The following METTL15 variants were observed in gnomAD, a reference collection of about 807,000 sequenced individuals.
The protein encoded by METTL15 is 12S rRNA N(4)-cytidine methyltransferase METTL15.
A neutral mutation model predicts 38.3 loss-of-function variants in METTL15; 34 were observed. The observed-to-expected ratio is 0.89, with a 90% CI of 0.68 to 1.18. The LOEUF is 1.18. METTL15 is among the 50% of genes most tolerant of loss of function. METTL15 has a pLI of 0.00. For synonymous variants in METTL15, 162 were observed against 170.9 expected (o/e 0.95, Z 0.41); for missense variants, 438 against 498.4 (o/e 0.88, Z 1.15).
intron 4 of METTL15, among the ~76,000 whole-genome samples, chr11:28,249,594 G>A (rs999157233): frequency 6.6e-6 from 1 of 151,856 alleles, no homozygotes; most frequent in African/African-American, 2.4e-5. Context: ...TGGATAAGTC[G>A]TGTCTTTACA....
chr11:28,502,317 G>T (rs1350497820), intron 6 of METTL15, among the ~76,000 whole-genome samples: 1 of 152,182 alleles, frequency 6.6e-6, no homozygotes, highest in Non-Finnish European at 1.5e-5. Flanking sequence ...AGCAAATATT[G>T]TAGGCTTTAT....
At chr11:28,200,085 A>G (rs1479186700) in intron 3 of METTL15, among the ~76,000 whole-genome samples, 2 of 152,118 alleles carry the variant, frequency 1.3e-5, no homozygotes, top group African/African-American at 4.8e-5. Flanking sequence ...TTGTCTTCCA[A>G]GTTATCCAAA....
At chr11:28,318,295 G>T (rs567496953) in intron 6 of METTL15, among the ~76,000 whole-genome samples, 3 of 152,106 alleles carry the variant, frequency 2.0e-5, no homozygotes, top group Non-Finnish European at 4.4e-5. Flanking sequence ...AGTAAGAAAA[G>T]ATCTCTGGAC....
At chr11:28,164,247 AT>A (rs1850577338) in intron 3 of METTL15, 1 of 152,156 alleles carries the variant, frequency 6.6e-6, no homozygotes, top group African/African-American at 2.4e-5. Context: ...AAAAACACAC[AT>A]TAGGAAGTGA....
At chr11:28,436,456 G>T (rs1012740970) in intron 6 of METTL15, among the ~76,000 whole-genome samples, 1 of 152,130 alleles carries the variant, frequency 6.6e-6, no homozygotes, top group Admixed American at 6.5e-5. Flanking sequence ...ATGCATCAGT[G>T]TTCCATGCAT....
At chr11:28,223,707 G>A (rs537198027) in intron 4 of METTL15, among the ~76,000 whole-genome samples, 1 of 152,200 alleles carries the variant, frequency 6.6e-6, no homozygotes, top group East Asian at 1.9e-4. Flanking sequence ...CAATTCATGG[G>A]AAGGCTGAGT....
At chr11:28,236,168 T>G (rs1853957665) in intron 4 of METTL15, among the ~76,000 whole-genome samples, 1 of 152,250 alleles carries the variant, frequency 6.6e-6, no homozygotes. Flanking sequence ...CACTTGATCA[T>G]GGTGGATAAG....
chr11:28,369,156 A>C (rs1850218797), intron 5 of METTL15, among the ~76,000 whole-genome samples: 1 of 152,062 alleles, frequency 6.6e-6, no homozygotes, highest in Non-Finnish European at 1.5e-5. Context: ...CATAATTTAA[A>C]ATAAATAAAA....
intron 3 of METTL15, among the ~76,000 whole-genome samples, chr11:28,207,369 T>C (rs548304567): frequency 2.7e-4 from 41 of 152,300 alleles, no homozygotes; most frequent in Admixed American, 9.2e-4. Context: ...GAGATAATCA[T>C]GTGGTTTTTG....
chr11:28,130,389 G>A (rs1852710648), intron 3 of METTL15, among the ~76,000 whole-genome samples: 1 of 152,072 alleles, frequency 6.6e-6, no homozygotes, highest in African/African-American at 2.4e-5. Context: ...TTAAATATCA[G>A]GGTTTATAAT....
chr11:28,224,585 T>A (rs1276769912), intron 4 of METTL15, among the ~76,000 whole-genome samples: 3 of 151,878 alleles, frequency 2.0e-5, no homozygotes, highest in Non-Finnish European at 4.4e-5. Flanking sequence ...CTAAGTGGAT[T>A]CTACTTATAT....
At chr11:28,528,576 C>T (rs1340534060), downstream of METTL15, among the ~76,000 whole-genome samples, 2 of 152,184 alleles carry the variant, frequency 1.3e-5, no homozygotes, top group African/African-American at 2.4e-5. Context: ...GCAGTGCCAA[C>T]GGTCCAATTT....
At chr11:28,346,642 AATT>A (rs1411668192) in intron 3 of METTL15, among the ~76,000 whole-genome samples, 1 of 152,202 alleles carries the variant, frequency 6.6e-6, no homozygotes, top group Non-Finnish European at 1.5e-5. Context: ...TGTTGATTTC[AATT>A]GTTCCCAACC....
At chr11:28,290,743 A>G (rs1856479380) in intron 5 of METTL15, among the ~76,000 whole-genome samples, 1 of 151,896 alleles carries the variant, frequency 6.6e-6, no homozygotes, top group Non-Finnish European at 1.5e-5. Flanking sequence ...ATGCCCAACT[A>G]TGCCTCTTGT....
chr11:28,118,012 T>G lies in METTL15; in HGVS notation c.270+4408T>G, dbSNP rs531386509. On this transcript the variant is annotated intron_variant, in intron 3 of 6. Transcript: ENST00000407364. The stretch of plus-strand genomic sequence containing the variant: ...GATGAAACTTTTTTTTGTTTTTTTG[T>G]TTTTTTTTGAGACGGAGTTTCGCTC... Among the ~76,000 whole-genome samples the G allele has an allele frequency of 6.6e-5, 10 of 151,106 alleles. No individual in the cohort carries two copies. The South Asian group carries it at 1.9e-3, about 29-fold the overall frequency.
At chr11:28,394,232 G>A (rs1346750470) in intron 5 of METTL15, among the ~76,000 whole-genome samples, 1 of 152,028 alleles carries the variant, frequency 6.6e-6, no homozygotes, top group Non-Finnish European at 1.5e-5. Flanking sequence ...CAGGCTCTAT[G>A]ACATATAAGA....
intron 5 of METTL15, among the ~76,000 whole-genome samples, chr11:28,419,590 C>T (rs1275008922): frequency 1.3e-5 from 2 of 152,146 alleles, no homozygotes; most frequent in Admixed American, 1.3e-4. Flanking sequence ...ATACACAACT[C>T]TTCAATGCCC....
chr11:28,292,809 G>A (rs1856572048), intron 5 of METTL15, among the ~76,000 whole-genome samples: 4 of 152,320 alleles, frequency 2.6e-5, no homozygotes, highest in Admixed American at 1.3e-4. Context: ...CTGATGGCTA[G>A]TGATGATGAG....
chr11:28,453,000 C>G (rs1851136220), intron 6 of METTL15, among the ~76,000 whole-genome samples: 1 of 152,196 alleles, frequency 6.6e-6, no homozygotes, highest in African/African-American at 2.4e-5. Context: ...AATCTTGCTC[C>G]TTAGAAGCCA....
Sources: allele counts gnomAD v4.1 joint callset (sites outside exome capture counted in the v4.1 genomes callset), GRCh38; gene constraint gnomAD v4.1.1; transcripts MANE v1.5; gene names NCBI Gene and HGNC (gene_info 2026-07-23, HGNC 2026-07-21).